CAMKMT: variants seen among roughly 807,000 people sequenced by gnomAD.
CAMKMT encodes the protein CaM KMT.
Under a neutral mutation model 48.0 loss-of-function variants are expected in CAMKMT, and 53 were observed. The ratio of observed to expected loss-of-function variants is 1.10; its 90% CI spans 0.89 to 1.39. The LOEUF is 1.39. Ranked by LOEUF, CAMKMT falls within the 40% of genes most tolerant of loss-of-function variation. The pLI is 0.00. For synonymous variants in CAMKMT, 165 were observed against 152.3 expected, an observed-to-expected ratio of 1.08 and a Z score of -0.61; for missense variants, 428 against 402.7, an observed-to-expected ratio of 1.06 and a Z score of -0.54.
intron 3 of CAMKMT, among the ~76,000 whole-genome samples, chr2:44,670,012 T>C (rs1160169748): frequency 6.6e-6 from 1 of 152,194 alleles, no homozygotes; most frequent in Non-Finnish European, 1.5e-5. Flanking sequence ...TCATGTTTTC[T>C]CTCTTGTGAA....
intron 3 of CAMKMT, among the ~76,000 whole-genome samples, chr2:44,668,742 C>G (rs1675154176): frequency 6.6e-6 from 1 of 152,094 alleles, no homozygotes; most frequent in Non-Finnish European, 1.5e-5. Flanking sequence ...AGTAACCACT[C>G]TCTCAAATTT....
chr2:44,522,984 A>G (rs1189122632), intron 3 of CAMKMT, among the ~76,000 whole-genome samples: 1 of 152,100 alleles, frequency 6.6e-6, no homozygotes, highest in African/African-American at 2.4e-5. Context: ...TCTTTCTCCT[A>G]AGTTCCAGTA....
At chr2:44,481,269 C>T (rs956517048) in intron 3 of CAMKMT, among the ~76,000 whole-genome samples, 1 of 152,004 alleles carries the variant, frequency 6.6e-6, no homozygotes, top group African/African-American at 2.4e-5. Flanking sequence ...TATTTTTGAA[C>T]ACTTGTAATA....
chr2:44,568,195 T>C (rs1000225387), intron 3 of CAMKMT, among the ~76,000 whole-genome samples: 1 of 152,062 alleles, frequency 6.6e-6, no homozygotes, highest in African/African-American at 2.4e-5. Flanking sequence ...GGCAAAGTCC[T>C]GAAATGAGCA....
chr2:44,768,361 A>ATATATATATATATATATATTT (rs35058824), intron 10 of CAMKMT, among the ~76,000 whole-genome samples: 28 of 115,716 alleles, frequency 2.4e-4, no homozygotes, highest in African/African-American at 9.6e-4. Flanking sequence ...ATATATATAT[A>ATATATATATATATATATATTT]TTTTTTTTTT....
chr2:44,714,870 T>C (rs1678085180), intron 6 of CAMKMT, among the ~76,000 whole-genome samples: 1 of 152,100 alleles, frequency 6.6e-6, no homozygotes, highest in Non-Finnish European at 1.5e-5. Flanking sequence ...CATACAGCTC[T>C]TCTCCTTTCG....
chr2:44,539,340 T>C (rs1451237639), intron 3 of CAMKMT, among the ~76,000 whole-genome samples: 1 of 151,404 alleles, frequency 6.6e-6, no homozygotes, highest in African/African-American at 2.4e-5. Flanking sequence ...ATCTTTTAAA[T>C]CTATTTTAAT....
At chr2:44,631,637 T>G in intron 3 of CAMKMT, 4 of 440,880 alleles carry the variant, frequency 9.1e-6, no homozygotes, top group Non-Finnish European at 1.6e-5. Context: ...TATAGTTGGG[T>G]CTTGGATTTT....
chr2:44,703,609 C>A (rs142478584), intron 3 of CAMKMT, among the ~76,000 whole-genome samples: 2,232 of 151,962 alleles, frequency 0.015, 20 homozygotes, highest in South Asian at 0.03. Flanking sequence ...GAAACCCAGT[C>A]TCTACTGAAA....
At chr2:44,494,008 A>G (rs1423835793) in intron 3 of CAMKMT, among the ~76,000 whole-genome samples, 1 of 152,198 alleles carries the variant, frequency 6.6e-6, no homozygotes, top group African/African-American at 2.4e-5. Context: ...ACACCTTTTC[A>G]TCCATTTTAT....
intron 7 of CAMKMT, among the ~76,000 whole-genome samples, chr2:44,732,294 G>T (rs1239526220): frequency 6.6e-6 from 1 of 152,074 alleles, no homozygotes; most frequent in Non-Finnish European, 1.5e-5. Context: ...AATGATTATT[G>T]ATTTTGTAAT....
At chr2:44,427,353 A>C (rs1398337953) in intron 3 of CAMKMT, among the ~76,000 whole-genome samples, 1 of 152,192 alleles carries the variant, frequency 6.6e-6, no homozygotes, top group African/African-American at 2.4e-5. Flanking sequence ...TAAACTATCA[A>C]CAGATTAAAC....
chr2:44,508,606 G>A (rs557294913), intron 3 of CAMKMT, among the ~76,000 whole-genome samples: 39 of 152,282 alleles, frequency 2.6e-4, no homozygotes, highest in Non-Finnish European at 3.5e-4. Flanking sequence ...AAAGGAATAC[G>A]TATGTGTATA....
intron 3 of CAMKMT, among the ~76,000 whole-genome samples, chr2:44,497,651 T>G (rs12615427): frequency 0.48 from 72,393 of 151,216 alleles, 19,235 homozygotes; most frequent in Non-Finnish European, 0.61. Context: ...TCCATATTAT[T>G]TGATTTTATT....
intron 9 of CAMKMT, among the ~76,000 whole-genome samples, chr2:44,755,870 T>C (rs79612372): frequency 0.018 from 2,786 of 152,158 alleles, 42 homozygotes; most frequent in South Asian, 0.031. Context: ...TGGCACTTAC[T>C]CCTGCTATGA....
intron 7 of CAMKMT, among the ~76,000 whole-genome samples, chr2:44,720,129 C>T (rs949651580): frequency 1.3e-5 from 2 of 152,170 alleles, no homozygotes; most frequent in African/African-American, 2.4e-5. Context: ...CACCAACTCC[C>T]ATAAGAACGT....
intron 3 of CAMKMT, among the ~76,000 whole-genome samples, chr2:44,509,190 C>G (rs904076107): frequency 3.9e-5 from 6 of 152,156 alleles, no homozygotes; most frequent in African/African-American, 1.4e-4. Flanking sequence ...GGGACTGAGC[C>G]AGGGTTTCAG....
chr2:44,768,342 G>GATATATATATATATATATATATAT (rs35422115), intron 10 of CAMKMT, among the ~76,000 whole-genome samples: 4 of 111,448 alleles, frequency 3.6e-5, no homozygotes, highest in Non-Finnish European at 5.4e-5. Context: ...GGGCGCCCAT[G>GATATATATATATATATATATATAT]ATATATATAT....
intron 3 of CAMKMT, among the ~76,000 whole-genome samples, chr2:44,521,080 G>A (rs970121383): frequency 6.6e-6 from 1 of 152,156 alleles, no homozygotes; most frequent in Admixed American, 6.6e-5. Context: ...CATGTACCAT[G>A]GGAATAATAT....
Sources: allele counts gnomAD v4.1 joint callset (sites outside exome capture counted in the v4.1 genomes callset), GRCh38; gene constraint gnomAD v4.1.1; transcripts MANE v1.5; gene names NCBI Gene and HGNC (gene_info 2026-07-23, HGNC 2026-07-21).